The following PALS1 variants were observed in gnomAD, a reference collection of about 807,000 sequenced individuals.
The protein encoded by PALS1 is protein PALS1.
In PALS1, 31 loss-of-function variants were observed where a neutral mutation model predicts 78.9. That is an observed-to-expected ratio of 0.39 (90% CI 0.30 to 0.53). The LOEUF is 0.53. Ranked by LOEUF, PALS1 falls within the 20% of genes least tolerant of loss-of-function variation. The probability of loss-of-function intolerance (pLI) is 0.67; values close to 1 mark genes in which losing one functional copy is unlikely to be tolerated. For missense variants in PALS1, 704 were observed against 826.5 expected (o/e 0.85, Z 1.82); for synonymous variants, 276 against 270.9 (o/e 1.02, Z -0.18).
intron 1 of PALS1, among the ~76,000 whole-genome samples, chr14:67,249,565 T>G (rs929405400): frequency 6.6e-6 from 1 of 152,128 alleles, no homozygotes; most frequent in Non-Finnish European, 1.5e-5. Flanking sequence ...TTAAGGAGAG[T>G]CAGGTTTTTA....
At chr14:67,313,339 T>C (rs2085121551) in intron 9 of PALS1, among the ~76,000 whole-genome samples, 1 of 152,242 alleles carries the variant, frequency 6.6e-6, no homozygotes, top group South Asian at 2.1e-4. Context: ...GGTGATTTCA[T>C]TGTTGTGCAA....
chr14:67,315,445 G>A (rs920741989), intron 9 of PALS1, among the ~76,000 whole-genome samples: 2 of 151,648 alleles, frequency 1.3e-5, no homozygotes, highest in Non-Finnish European at 2.9e-5. Context: ...CCCAGCTGAT[G>A]TTTTGTATTT....
chr14:67,254,899 C>T (rs1461039842), intron 1 of PALS1, among the ~76,000 whole-genome samples: 1 of 152,168 alleles, frequency 6.6e-6, no homozygotes, highest in African/African-American at 2.4e-5. Flanking sequence ...ACCTGTAATC[C>T]CAGCACTTTG....
chr14:67,243,948 G>A (rs1017700152), intron 1 of PALS1, among the ~76,000 whole-genome samples: 1 of 152,144 alleles, frequency 6.6e-6, no homozygotes, highest in African/African-American at 2.4e-5. Flanking sequence ...GCTAGTTAGG[G>A]GCAGACTTGG....
At chr14:67,267,248 T>C (rs1225675220) in intron 1 of PALS1, among the ~76,000 whole-genome samples, 1 of 152,164 alleles carries the variant, frequency 6.6e-6, no homozygotes, top group East Asian at 1.9e-4. Context: ...TCAATTAAAA[T>C]TCATTATTTA....
At chr14:67,245,813 A>G (rs2083978023) in intron 1 of PALS1, among the ~76,000 whole-genome samples, 1 of 150,962 alleles carries the variant, frequency 6.6e-6, no homozygotes, top group East Asian at 1.9e-4. Flanking sequence ...AAATTTGAAT[A>G]TTGTATCTAA....
intron 8 of PALS1, among the ~76,000 whole-genome samples, chr14:67,304,566 T>C (rs1004130119): frequency 1.3e-5 from 2 of 152,214 alleles, no homozygotes; most frequent in Non-Finnish European, 2.9e-5. Context: ...GGTTCATTTA[T>C]ATAAAATGTC....
chr14:67,246,329 A>G (rs932573084), intron 1 of PALS1, among the ~76,000 whole-genome samples: 3 of 151,358 alleles, frequency 2.0e-5, no homozygotes, highest in African/African-American at 7.3e-5. Context: ...GGTCTTGGCT[A>G]TGTTGCCCAG....
Position 67,336,003 on chromosome 14 carries a change from C to T in PALS1, c.*3047C>T, listed in dbSNP as rs1343069451. The stretch of plus-strand genomic sequence containing the variant: ...CCTGTTGGCACAGGTATAGGTAGGT[C>T]CTGTTTCCTTAATTATTAAAACCAA... On this transcript the variant is annotated 3_prime_UTR_variant, in exon 15 of 15. Coordinates refer to ENST00000261681, the MANE Select transcript of PALS1 (RefSeq NM_022474.4). 6.6e-6 allele frequency among the ~76,000 whole-genome samples: 1 copy of T among 152,080 alleles called. No individual in the cohort carries two copies.
At chr14:67,291,370 G>A (rs1384002272) in intron 3 of PALS1, among the ~76,000 whole-genome samples, 1 of 152,074 alleles carries the variant, frequency 6.6e-6, no homozygotes, top group Non-Finnish European at 1.5e-5. Flanking sequence ...TGGGATTACA[G>A]GCGCCTGCCA....
At chr14:67,306,955 G>A (rs562697960) in intron 8 of PALS1, among the ~76,000 whole-genome samples, 1 of 152,304 alleles carries the variant, frequency 6.6e-6, no homozygotes, top group East Asian at 1.9e-4. Flanking sequence ...TATGTTTTGT[G>A]ATGTTAGAAA....
At chr14:67,263,339 A>T (rs1179974434) in intron 1 of PALS1, among the ~76,000 whole-genome samples, 2 of 152,184 alleles carry the variant, frequency 1.3e-5, no homozygotes, top group Non-Finnish European at 2.9e-5. Flanking sequence ...TGAAGTATGC[A>T]GTCCCCTTGT....
rs2085496452 is a variant in PALS1, at chr14:67,334,329, A to G, written c.*1373A>G. ...TAATTGGCATGGAAACTTAATTTGCAGTCTTTTCAAGCCTTTAGGATAGTG... is the reference window on the plus strand; with the variant it reads ...TAATTGGCATGGAAACTTAATTTGCGGTCTTTTCAAGCCTTTAGGATAGTG... On this transcript the variant is annotated 3_prime_UTR_variant, in exon 15 of 15. Transcript: ENST00000261681. 6.6e-6 allele frequency: 1 copy of G among 152,662 alleles called. No homozygotes were observed. The highest frequency in any genetic ancestry group is 1.5e-5 in the Non-Finnish European group (1 of 68,034). 9.5% of individuals were successfully genotyped at this position (152,662 alleles called of 1,614,324 possible).
At chr14:67,295,516 A>G (rs569173687) in intron 4 of PALS1, among the ~76,000 whole-genome samples, 15 of 151,982 alleles carry the variant, frequency 9.9e-5, no homozygotes, top group Non-Finnish European at 1.9e-4. Context: ...TTGGAAATTA[A>G]TAAGAAAAAA....
intron 1 of PALS1, among the ~76,000 whole-genome samples, chr14:67,246,107 A>G (rs1033091128): frequency 1.3e-5 from 2 of 151,390 alleles, no homozygotes; most frequent in Admixed American, 6.6e-5. Flanking sequence ...TATTTTGTCT[A>G]TCCTTTTTAT....
At chr14:67,297,655 A>T (rs1262537295) in intron 4 of PALS1, among the ~76,000 whole-genome samples, 1 of 152,214 alleles carries the variant, frequency 6.6e-6, no homozygotes, top group Non-Finnish European at 1.5e-5. Context: ...GATTTTGAAT[A>T]GCAGTTGTAC....
chr14:67,261,090 A>G (rs1386332387), intron 1 of PALS1, among the ~76,000 whole-genome samples: 2 of 152,202 alleles, frequency 1.3e-5, no homozygotes, highest in Non-Finnish European at 2.9e-5. Flanking sequence ...TGAGGATTAA[A>G]TGAGATAATG....
chr14:67,290,778 A>C (rs1198884400), intron 3 of PALS1, among the ~76,000 whole-genome samples: 2 of 151,996 alleles, frequency 1.3e-5, no homozygotes, highest in African/African-American at 4.8e-5. Context: ...CAAGCAGTCC[A>C]CCTGCTTCAG....
chr14:67,247,292 T>C (rs966256020), intron 1 of PALS1, among the ~76,000 whole-genome samples: 1 of 152,216 alleles, frequency 6.6e-6, no homozygotes, highest in Non-Finnish European at 1.5e-5. Flanking sequence ...TTGTAAATGG[T>C]AATCTAAAAA....
Sources: allele counts gnomAD v4.1 joint callset (sites outside exome capture counted in the v4.1 genomes callset), GRCh38; gene constraint gnomAD v4.1.1; transcripts MANE v1.5; gene names NCBI Gene and HGNC (gene_info 2026-07-23, HGNC 2026-07-21).